The following UACA variants were observed in gnomAD, a reference collection of about 807,000 sequenced individuals.
UACA encodes uveal autoantigen with coiled-coil domains and ankyrin repeats.
In UACA, 112 loss-of-function variants were observed where a neutral mutation model predicts 160.5. The ratio of observed to expected loss-of-function variants is 0.70; its 90% CI spans 0.60 to 0.82. UACA has a LOEUF of 0.82. Ranked by LOEUF, UACA falls within the 40% of genes least tolerant of loss-of-function variation. The pLI, the probability that UACA is intolerant of heterozygous loss-of-function variation, is 0.00. For synonymous variants in UACA, 557 were observed against 568.4 expected (o/e 0.98, Z 0.29); for missense variants, 1,574 against 1,614.6 (o/e 0.97, Z 0.43).
chr15:70,774,901 TA>T, the UACA span, among the ~76,000 whole-genome samples: 1 of 151,238 alleles, frequency 6.6e-6, no homozygotes, highest in East Asian at 2.0e-4. Flanking sequence ...AAAAATAAAA[TA>T]AAATTAGCCA....
chr15:70,771,137 C>A, the UACA span, among the ~76,000 whole-genome samples: 3 of 152,170 alleles, frequency 2.0e-5, no homozygotes, highest in African/African-American at 7.2e-5. Context: ...AATCACAATT[C>A]CATCCAGAAA....
At chr15:70,725,868 T>G (rs185542353) in intron 1 of UACA, among the ~76,000 whole-genome samples, 70 of 152,206 alleles carry the variant, frequency 4.6e-4, no homozygotes, top group African/African-American at 1.6e-3. Flanking sequence ...GAACCTGAAA[T>G]GTACCCAACA....
At position 70,671,041 on chromosome 15, in the gene UACA, G is replaced by T; in HGVS notation, c.1219C>A (p.Gln407Lys). 6.5e-7 allele frequency: 1 copy of T among 1,532,554 alleles called. No homozygotes were observed. The highest frequency in any genetic ancestry group is 8.8e-7 in the Non-Finnish European group (1 of 1,142,036). 94.9% of individuals were successfully genotyped at this position (1,532,554 alleles called of 1,614,324 possible). The change falls in exon 15 of 19, where the codon CAG becomes AAG. Residue 407 changes from glutamine (Q) to lysine (K), a missense_variant and splice_region_variant. Physicochemically the swap from Gln to Lys is moderately conservative, Grantham distance 53 (BLOSUM62 1). Coordinates refer to ENST00000322954, the MANE Select transcript of UACA (RefSeq NM_018003.4). ...KQGQMYMADS[Q>K]CTSPGIPAHM... ...TTAAAAAAAAAAACAGTTATTACCT[G>T]TGAGTCTGCCATATACATCTGACCT...
rs375703457 is a variant in UACA, at chr15:70,690,466, G to A, written c.412C>T (p.Leu138Phe). ...EHADLQGRTA[L>F]HDAAMADCPS... ...AACCACTGCTCACCGGCATCGTGAA[G>A]TGCAGTTCTTCCCTGCAGGTCTGCA... Residue 138 changes from leucine to phenylalanine, a missense_variant, in exon 5 of 19, where the codon CTT (leucine) becomes TTT (phenylalanine). By Grantham distance (22) the Leu-to-Phe change is conservative (BLOSUM62 0). Transcript: ENST00000322954. The A allele has an allele frequency of 2.5e-6, 4 of 1,612,994 alleles. No homozygotes were observed. The highest frequency in any genetic ancestry group is 1.3e-5 in the African/African-American group (1 of 74,978).
rs781352755 is a variant in UACA, at chr15:70,671,953, T to C, written c.1168+12A>G. The stretch of plus-strand genomic sequence containing the variant: ...GGTGAACTGTAATGATAATCCATAC[T>C]TTTATACTTACGGTTACTGAAATGA... On this transcript the variant is annotated intron_variant, in intron 14 of 18. Coordinates refer to ENST00000322954, the MANE Select transcript of UACA (RefSeq NM_018003.4). 4 of 1,594,170 alleles carry C rather than the reference T, an allele frequency of 2.5e-6. No individual in the cohort carries two copies. The highest frequency in any genetic ancestry group is 1.3e-5 in the African/African-American group (1 of 74,354).
chr15:70,664,443 T>A (rs892395909), intron 17 of UACA, among the ~76,000 whole-genome samples: 2 of 152,170 alleles, frequency 1.3e-5, no homozygotes, highest in African/African-American at 4.8e-5. Flanking sequence ...AGTTTATAGA[T>A]AAAGTACGTA....
chr15:70,663,105 T>C (rs1896775367), intron 17 of UACA, among the ~76,000 whole-genome samples: 1 of 152,260 alleles, frequency 6.6e-6, no homozygotes, highest in South Asian at 2.1e-4. Context: ...ATTTTTGCAA[T>C]CCACTCATCT....
At chr15:70,669,738 C>T (rs1897073134) in intron 15 of UACA, among the ~76,000 whole-genome samples, 1 of 152,146 alleles carries the variant, frequency 6.6e-6, no homozygotes, top group African/African-American at 2.4e-5. Flanking sequence ...CTACTGGGTG[C>T]TATTTTGTCT....
In UACA at chr15:70,693,556, A is replaced by C. The variant is rs569015081; in HGVS notation, c.301+1461T>G. ...ACTCTAGGGACAAACATTATAAAACATATCAAATGAAAATATAAATAGCAG... is the reference window on the plus strand; with the variant it reads ...ACTCTAGGGACAAACATTATAAAACCTATCAAATGAAAATATAAATAGCAG... On this transcript the variant is annotated intron_variant, in intron 3 of 18. Transcript: ENST00000322954. Among the ~76,000 whole-genome samples, 5 of 152,276 alleles carry C rather than the reference A, an allele frequency of 3.3e-5. No individual in the cohort carries two copies. The South Asian group carries it at 1.0e-3, about 32-fold the overall frequency.
At chr15:70,769,660 A>T in the UACA span, among the ~76,000 whole-genome samples, 1 of 152,110 alleles carries the variant, frequency 6.6e-6, no homozygotes, top group Admixed American at 6.6e-5. Flanking sequence ...TCTTTAAGTA[A>T]ATCCTGATTT....
chr15:70,722,145 G>A (rs1369488167), intron 1 of UACA, among the ~76,000 whole-genome samples: 1 of 152,082 alleles, frequency 6.6e-6, no homozygotes, highest in East Asian at 1.9e-4. Flanking sequence ...TGCAGTTTGG[G>A]CATTTTAAAC....
At chr15:70,659,508 A>G (rs746355502) in intron 18 of UACA, among the ~76,000 whole-genome samples, 4 of 142,450 alleles carry the variant, frequency 2.8e-5, no homozygotes, top group Non-Finnish European at 1.5e-5. Flanking sequence ...TTCTTTTAGT[A>G]CATTTTCTTC....
Position 70,655,053 on chromosome 15 carries a change from G to T in UACA, c.*2003C>A, listed in dbSNP as rs1281384153. The T allele has an allele frequency of 1.3e-5, 2 of 152,166 alleles. No individual in the cohort carries two copies. Among genetic ancestry groups the T allele is most frequent in the Non-Finnish European group, 2.9e-5 (2 of 68,022 alleles). 9.4% of individuals were successfully genotyped at this position (152,166 alleles called of 1,614,324 possible). On this transcript the variant is annotated 3_prime_UTR_variant, in exon 19 of 19. Coordinates refer to ENST00000322954, the MANE Select transcript of UACA (RefSeq NM_018003.4). ...CCTACTCCCAATGCTCTCACAGACA[G>T]TAAATAAAATAGTTTAACTCGCAAA...
intron 1 of UACA, among the ~76,000 whole-genome samples, chr15:70,759,274 C>A (rs1216563387): frequency 6.6e-6 from 1 of 152,196 alleles, no homozygotes; most frequent in Non-Finnish European, 1.5e-5. Flanking sequence ...TAACTGAACA[C>A]ACAATTAACC....
chr15:70,744,257 A>AAAAG (rs1899630759), intron 1 of UACA, among the ~76,000 whole-genome samples: 1 of 150,262 alleles, frequency 6.7e-6, no homozygotes, highest in African/African-American at 2.5e-5. Flanking sequence ...TCAAAAAAAA[A>AAAAG]AAAAAAAAAA....
rs953176217 is a variant in UACA at position 70,676,492 on chromosome 15, C to T, written c.1131+1G>A. 1 of 1,595,460 alleles carries T rather than the reference C, an allele frequency of 6.3e-7. No individual in the cohort carries two copies. The highest frequency in any genetic ancestry group is 8.6e-7 in the Non-Finnish European group (1 of 1,165,438). ...CAGGAAATAATTTATCCTTTCTATACCTCAAAATATTTAAATCTATTTTTC... is the reference window on the plus strand; with the variant it reads ...CAGGAAATAATTTATCCTTTCTATATCTCAAAATATTTAAATCTATTTTTC... On this transcript the variant is annotated splice_donor_variant, in intron 13 of 18. Coordinates refer to ENST00000322954, the MANE Select transcript of UACA (RefSeq NM_018003.4). LOFTEE classifies it high-confidence loss of function.
chr15:70,666,809 C>G lies in UACA; in HGVS notation c.3875G>C (p.Arg1292Pro). ...GATTGTTGTTAAGGACTTATCACAT[C>G]GTTCCTTCTGATCCTTAATTTCTTG... Reference protein sequence around the residue: ...IEQEIKDQKERCDKSLTTITE... With the variant: ...IEQEIKDQKEPCDKSLTTITE... The change falls in exon 16 of 19, where the codon CGA (arginine) becomes CCA (proline). Residue 1292 changes from arginine to proline, a missense_variant. Transcript: ENST00000322954. The G allele has an allele frequency of 1.2e-6, 2 of 1,613,684 alleles. No homozygotes were observed. The highest frequency in any genetic ancestry group is 1.7e-6 in the Non-Finnish European group (2 of 1,179,904).
chr15:70,666,017 T>C (rs1896891290), intron 16 of UACA, among the ~76,000 whole-genome samples: 1 of 152,190 alleles, frequency 6.6e-6, no homozygotes, highest in Admixed American at 6.5e-5. Flanking sequence ...AGATGGAAAG[T>C]TAAGTTATAA....
intron 2 of UACA, among the ~76,000 whole-genome samples, 185 bp downstream of exon 2, chr15:70,699,341 TC>T (rs1898243707): frequency 6.6e-6 from 1 of 152,122 alleles, no homozygotes; most frequent in Non-Finnish European, 1.5e-5. Flanking sequence ...ATTCTAGTGT[TC>T]CCTCTCTAGA....
Sources: allele counts gnomAD v4.1 joint callset (sites outside exome capture counted in the v4.1 genomes callset), GRCh38; gene constraint gnomAD v4.1.1; transcripts MANE v1.5; gene names NCBI Gene and HGNC (gene_info 2026-07-23, HGNC 2026-07-21).